The following L2HGDH variants were observed in gnomAD, a reference collection of about 807,000 sequenced individuals.
L2HGDH encodes L-2-hydroxyglutarate dehydrogenase, mitochondrial.
Under a neutral mutation model 51.5 loss-of-function variants are expected in L2HGDH, and 34 were observed. The ratio of observed to expected loss-of-function variants is 0.66; its 90% CI spans 0.50 to 0.88. L2HGDH has a LOEUF of 0.88. Among genes scored for constraint, L2HGDH ranks in the 40% least tolerant of loss-of-function variants. L2HGDH has a pLI of 0.00. For synonymous variants in L2HGDH, 198 were observed against 197.9 expected, an observed-to-expected ratio of 1.00 and a Z score of -0.01; for missense variants, 558 against 571.9, an observed-to-expected ratio of 0.98 and a Z score of 0.25.
At chr14:50,301,727 A>G (rs2030419407) in intron 3 of L2HGDH, among the ~76,000 whole-genome samples, 1 of 152,150 alleles carries the variant, frequency 6.6e-6, no homozygotes, top group African/African-American at 2.4e-5. Flanking sequence ...GTGATGAAAA[A>G]GCCTGAAATT....
At chr14:50,271,383 A>G (rs1195568439) in intron 6 of L2HGDH, among the ~76,000 whole-genome samples, 2 of 152,238 alleles carry the variant, frequency 1.3e-5, no homozygotes, top group Non-Finnish European at 2.9e-5. Context: ...GTTCTCTTTC[A>G]AAACTCAAGC....
chr14:50,292,630 C>T (rs188947538), intron 4 of L2HGDH, among the ~76,000 whole-genome samples: 240 of 152,164 alleles, frequency 1.6e-3, no homozygotes, highest in Middle Eastern at 6.8e-3. Flanking sequence ...CACTTGAACC[C>T]GGGAGGCAGA....
chr14:50,244,551 C>G lies in L2HGDH; in HGVS notation c.*2507G>C. ...CTGTGTTTGCATTTCTTGCAGGAAT[C>G]AGCTGTTATAAAGAAACATTAGGGC... On this transcript the variant is annotated 3_prime_UTR_variant, in exon 10 of 10. Coordinates refer to ENST00000267436, the MANE Select transcript of L2HGDH (RefSeq NM_024884.3). The G allele has an allele frequency of 1.0e-6, 1 of 985,406 alleles. No individual in the cohort carries two copies. The highest frequency in any genetic ancestry group is 1.2e-6 in the Non-Finnish European group (1 of 829,930). 61.0% of individuals were successfully genotyped at this position (985,406 alleles called of 1,614,324 possible).
chr14:50,298,733 T>C lies in L2HGDH; in HGVS notation c.408+3284A>G, dbSNP rs184806658. On this transcript the variant is annotated intron_variant, in intron 3 of 9. Coordinates refer to ENST00000267436, the MANE Select transcript of L2HGDH (RefSeq NM_024884.3). ...CAAACAAAACCAATACGCTCCTAAA[T>C]GACCAGTGGGCCAATAAAGAAATTA... Among the ~76,000 whole-genome samples, 264 of 152,140 alleles carry C rather than the reference T, an allele frequency of 1.7e-3. 2 individuals carry two copies. Among genetic ancestry groups the C allele is most frequent in the African/African-American group, 4.9e-3 (205 of 41,498 alleles).
intron 3 of L2HGDH, among the ~76,000 whole-genome samples, chr14:50,298,130 G>C (rs1035115669): frequency 7.3e-5 from 11 of 150,814 alleles, no homozygotes; most frequent in Non-Finnish European, 1.5e-4. Flanking sequence ...TGTAGTCCCA[G>C]CGACTTGGGA....
intron 5 of L2HGDH, among the ~76,000 whole-genome samples, chr14:50,283,612 A>G (rs1890397207): frequency 6.6e-6 from 1 of 152,244 alleles, no homozygotes; most frequent in Non-Finnish European, 1.5e-5. Context: ...TAAAATGCAT[A>G]TAACATTTGC....
chr14:50,255,930 A>C (rs1167795045), intron 9 of L2HGDH, among the ~76,000 whole-genome samples: 2 of 152,122 alleles, frequency 1.3e-5, no homozygotes, highest in East Asian at 3.9e-4. Context: ...TGGGAGGCTG[A>C]GGCAGGAGAA....
chr14:50,290,862 A>C (rs1414908696), intron 4 of L2HGDH, among the ~76,000 whole-genome samples: 1 of 152,016 alleles, frequency 6.6e-6, no homozygotes, highest in Non-Finnish European at 1.5e-5. Context: ...TCACAAAATA[A>C]TGTTCTTCTT....
chr14:50,296,906 G>C (rs983903947), intron 3 of L2HGDH, among the ~76,000 whole-genome samples: 5 of 151,998 alleles, frequency 3.3e-5, no homozygotes, highest in African/African-American at 1.2e-4. Context: ...GCAACATATA[G>C]AGAGGATTTT....
intron 6 of L2HGDH, among the ~76,000 whole-genome samples, chr14:50,272,365 C>T (rs1001286452): frequency 5.3e-5 from 8 of 152,088 alleles, no homozygotes; most frequent in Non-Finnish European, 1.2e-4. Context: ...AGGGCAGGCA[C>T]AGAAACAGAT....
chr14:50,244,288 CA>C lies in L2HGDH; in HGVS notation c.*2769del. On this transcript the variant is annotated 3_prime_UTR_variant, in exon 10 of 10. Coordinates refer to ENST00000267436, the MANE Select transcript of L2HGDH (RefSeq NM_024884.3). Reference sequence around the variant, plus strand: ...CTTCCACAATGGTTGAACTAGTTTACAGTCCCACCAACAGTGTAAAAGTGTT... The same window carrying C: ...CTTCCACAATGGTTGAACTAGTTTACGTCCCACCAACAGTGTAAAAGTGTT... 1 of 574,718 alleles carries C rather than the reference CA, an allele frequency of 1.7e-6. No homozygotes were observed. The highest frequency in any genetic ancestry group is 2.2e-6 in the Non-Finnish European group (1 of 455,154). The allele number at this position is 574,718 out of a possible 1,614,324, so 35.6% of individuals were successfully genotyped here.
chr14:50,299,888 T>C (rs778345852), intron 3 of L2HGDH: 16 of 153,828 alleles, frequency 1.0e-4, no homozygotes, highest in Non-Finnish European at 2.2e-4. Flanking sequence ...ATCTCTATTG[T>C]CACAAATGGT....
At chr14:50,284,114 T>C in intron 4 of L2HGDH, 81 bp from the exon 5 acceptor site, 1 of 1,423,572 alleles carries the variant, frequency 7.0e-7, no homozygotes, top group Admixed American at 1.8e-5. Context: ...CAAGAAACAA[T>C]TTTGTCCTTT....
At chr14:50,270,736 G>A (rs1233674617) in intron 6 of L2HGDH, among the ~76,000 whole-genome samples, 4 of 152,088 alleles carry the variant, frequency 2.6e-5, no homozygotes, top group African/African-American at 9.7e-5. Context: ...TCGATCTCCT[G>A]ACCTCGTGAT....
Position 50,292,055 on chromosome 14 carries a change from G to T in L2HGDH, c.540+2060C>A, listed in dbSNP as rs190136630. ...AATTTTAAATAACAATACTATTAAT[G>T]AGAGTATCAGAAAACATCAAATACA... On this transcript the variant is annotated intron_variant, in intron 4 of 9. Coordinates refer to ENST00000267436, the MANE Select transcript of L2HGDH (RefSeq NM_024884.3). Among the ~76,000 whole-genome samples, 302 of 152,224 alleles carry T rather than the reference G, an allele frequency of 2.0e-3. 1 individual carries two copies. The highest frequency in any genetic ancestry group is 2.6e-3 in the Non-Finnish European group (174 of 68,004).
chr14:50,280,623 T>A (rs1029182719), intron 5 of L2HGDH, among the ~76,000 whole-genome samples: 1 of 152,186 alleles, frequency 6.6e-6, no homozygotes, highest in African/African-American at 2.4e-5. Context: ...AAGCTGTACA[T>A]CTGAGTCCCA....
intron 3 of L2HGDH, among the ~76,000 whole-genome samples, chr14:50,294,696 G>A (rs1410272167): frequency 3.9e-5 from 6 of 152,126 alleles, no homozygotes; most frequent in Non-Finnish European, 7.3e-5. Flanking sequence ...TGAATGTGAT[G>A]GAACATAACT....
intron 3 of L2HGDH, among the ~76,000 whole-genome samples, chr14:50,301,461 T>C (rs1241365030): frequency 6.6e-6 from 1 of 152,230 alleles, no homozygotes; most frequent in Non-Finnish European, 1.5e-5. Context: ...ATGTGGTATA[T>C]CCATACAATG....
Position 50,244,841 on chromosome 14 carries a change from T to C in L2HGDH, c.*2217A>G, listed in dbSNP as rs924386030. ...CATCCATCATACAGCTTTGGAGAGC[T>C]AAGAGGAAAGAAGACATACACAGTA... On this transcript the variant is annotated 3_prime_UTR_variant, in exon 10 of 10. Coordinates refer to ENST00000267436, the MANE Select transcript of L2HGDH (RefSeq NM_024884.3). 1 of 985,414 alleles carries C rather than the reference T, an allele frequency of 1.0e-6. No homozygotes were observed. Among genetic ancestry groups the C allele is most frequent in the Non-Finnish European group, 1.2e-6 (1 of 829,944 alleles). The allele number at this position is 985,414 out of a possible 1,614,324, so 61.0% of individuals were successfully genotyped here. A position where few individuals can be genotyped will look rare whatever the true frequency, so the allele number is the denominator to read the frequency against.
Sources: allele counts gnomAD v4.1 joint callset (sites outside exome capture counted in the v4.1 genomes callset), GRCh38; gene constraint gnomAD v4.1.1; transcripts MANE v1.5; gene names NCBI Gene and HGNC (gene_info 2026-07-23, HGNC 2026-07-21).